JADE1: variants seen among roughly 807,000 people sequenced by gnomAD.
The protein encoded by JADE1 is jade family PHD finger 1, also known as protein Jade-1.
Under a neutral mutation model 81.8 loss-of-function variants are expected in JADE1, and 14 were observed. The ratio of observed to expected loss-of-function variants is 0.17; its 90% CI spans 0.11 to 0.27. The LOEUF is 0.27. JADE1 is among the 10% of genes least tolerant of loss of function. The probability of loss-of-function intolerance (pLI) is 1.00; values close to 1 mark genes in which losing one functional copy is unlikely to be tolerated. For missense variants in JADE1, 690 were observed against 1,047.9 expected, an observed-to-expected ratio of 0.66 and a Z score of 4.71; for synonymous variants, 353 against 391.9, an observed-to-expected ratio of 0.90 and a Z score of 1.17.
Position 128,872,038 on chromosome 4 carries a change from GC to G in JADE1, c.2307del (p.Cys770AlafsTer12). ...RQQQGEAHDGACHQHSDYPYL... is the reference protein window; with the variant it reads ...RQQQGEAHDGXCHQHSDYPYL... ...GCAGCAGGGAGAGGCCCACGATGGG[GC>G]CTGCCACCAGCACTCAGACTACCCA... On this transcript the variant is annotated frameshift_variant, in exon 11 of 11. Transcript: ENST00000226319. LOFTEE classifies it high-confidence loss of function. The G allele has an allele frequency of 6.2e-7, 1 of 1,613,926 alleles. No individual in the cohort carries two copies. Among genetic ancestry groups the G allele is most frequent in the Non-Finnish European group, 8.5e-7 (1 of 1,179,936 alleles).
At chr4:128,859,488 T>C (rs1188371010) in intron 8 of JADE1, among the ~76,000 whole-genome samples, 1 of 152,076 alleles carries the variant, frequency 6.6e-6, no homozygotes, top group African/African-American at 2.4e-5. Context: ...TGCATGTGAG[T>C]ATGCATGTGT....
At chr4:128,850,155 G>A (rs373199653) in intron 5 of JADE1, among the ~76,000 whole-genome samples, 20 of 151,692 alleles carry the variant, frequency 1.3e-4, no homozygotes, top group Non-Finnish European at 1.6e-4. Flanking sequence ...TTAGCTAGGC[G>A]TCGTGGTGGG....
intron 7 of JADE1, among the ~76,000 whole-genome samples, chr4:128,856,555 G>A (rs1287053221): frequency 6.6e-6 from 1 of 152,110 alleles, no homozygotes; most frequent in Non-Finnish European, 1.5e-5. Context: ...GGCATACTTT[G>A]GTGATTTTTA....
At chr4:128,812,416 C>T (rs1560715540) in intron 1 of JADE1, among the ~76,000 whole-genome samples, 1 of 151,956 alleles carries the variant, frequency 6.6e-6, no homozygotes, top group Non-Finnish European at 1.5e-5. Flanking sequence ...CGCTGCGGGG[C>T]GGCGGCCGAG....
intron 6 of JADE1, among the ~76,000 whole-genome samples, chr4:128,853,384 T>G (rs1036099613): frequency 5.9e-5 from 9 of 152,236 alleles, no homozygotes; most frequent in Non-Finnish European, 1.3e-4. Flanking sequence ...TGTTAGGGTA[T>G]AAGCTGAGCT....
Position 128,871,598 on chromosome 4 carries a change from A to G in JADE1, c.1865A>G (p.Glu622Gly). ...CAGCCAGACCTGTGTGGTAGAAGGG[A>G]GGGGATGGTGGTCCCAGAGAGCTTT... ...LKQPDLCGRR[E>G]GMVVPESFLG... The change falls in exon 11 of 11, where the codon GAG (glutamate) becomes GGG (glycine). Residue 622 changes from glutamate (E) to glycine (G), a missense_variant. Transcript: ENST00000226319. The surrounding 1 kb of genome is among the most constrained non-coding windows in gnomAD (Gnocchi z 4.1). The G allele has an allele frequency of 6.2e-7, 1 of 1,614,186 alleles. No homozygotes were observed. Among genetic ancestry groups the G allele is most frequent in the Non-Finnish European group, 8.5e-7 (1 of 1,180,028 alleles).
chr4:128,833,312 C>G (rs1262864523), intron 2 of JADE1, among the ~76,000 whole-genome samples: 1 of 152,178 alleles, frequency 6.6e-6, no homozygotes, highest in East Asian at 1.9e-4. Flanking sequence ...AATTTCTTCT[C>G]TGCCCCTGTG....
At chr4:128,820,465 A>G (rs1267558246) in intron 1 of JADE1, among the ~76,000 whole-genome samples, 3 of 152,186 alleles carry the variant, frequency 2.0e-5, no homozygotes, top group Non-Finnish European at 4.4e-5. Context: ...ACTTGTAGGC[A>G]GAGTCTACGT....
At chr4:128,856,137 C>A (rs562435853) in intron 7 of JADE1, among the ~76,000 whole-genome samples, 1 of 152,280 alleles carries the variant, frequency 6.6e-6, no homozygotes, top group Non-Finnish European at 1.5e-5. Context: ...TTTTTAATAG[C>A]ACCTTAGCTC....
In JADE1 at chr4:128,846,597, ATCTGAGAAGAGACAATT is replaced by A. The variant is rs752304401; in HGVS notation, c.296+70_296+86del. ...TTGCTCTTCTTCCCTGACAGCAGGC[ATCTGAGAAGAGACAATT>A]TCTGTGGGAAGAGACAGTTTCTGAG... On this transcript the variant is annotated intron_variant, in intron 4 of 10. Coordinates refer to ENST00000226319, the MANE Select transcript of JADE1 (RefSeq NM_199320.4). This position sits in a 1 kb window ranked among gnomAD's most constrained non-coding sequence, Gnocchi z 4.0. 3.3e-6 allele frequency: 5 copies of A among 1,534,260 alleles called. No homozygotes were observed. Among genetic ancestry groups the A allele is most frequent in the Middle Eastern group, 3.8e-4 (2 of 5,286 alleles).
intron 2 of JADE1, among the ~76,000 whole-genome samples, chr4:128,841,456 A>G (rs1481846218): frequency 6.6e-6 from 1 of 152,240 alleles, no homozygotes; most frequent in Non-Finnish European, 1.5e-5. Flanking sequence ...TTGACCTACC[A>G]TTGATTGTGT....
rs998217022 is a variant in JADE1 at position 128,850,935 on chromosome 4, T to C, written c.485-1122T>C. ...TTGTCTTAGCTGTTATTGGTCTTTT[T>C]TTCTTTCTTTTTTGAGATGAAGTCT... On this transcript the variant is annotated intron_variant, in intron 5 of 10. Transcript: ENST00000226319. 2.0e-5 allele frequency among the ~76,000 whole-genome samples: 3 copies of C among 152,232 alleles called. No homozygotes were observed. In the South Asian group the frequency reaches 6.2e-4, roughly 31 times the overall value.
chr4:128,855,759 A>G lies in JADE1; in HGVS notation c.826A>G (p.Lys276Glu). 1.9e-6 allele frequency: 3 copies of G among 1,614,030 alleles called. No homozygotes were observed. Among genetic ancestry groups the G allele is most frequent in the Non-Finnish European group, 2.5e-6 (3 of 1,179,924 alleles). ...TATGAAGCCCACCCGTAGCGGAACC[A>G]AGTGGGTCCACGTTAGCTGTGCTCT... ...GAMKPTRSGT[K>E]WVHVSCALWI... Residue 276 changes from lysine to glutamate, a missense_variant, in exon 7 of 11, where the codon AAG becomes GAG. Coordinates refer to ENST00000226319, the MANE Select transcript of JADE1 (RefSeq NM_199320.4).
chr4:128,816,646 G>A (rs1016592533), intron 1 of JADE1, among the ~76,000 whole-genome samples: 1 of 152,178 alleles, frequency 6.6e-6, no homozygotes, highest in African/African-American at 2.4e-5. Context: ...TAGGAAAGGG[G>A]CCATGTATTT....
In JADE1 at chr4:128,853,663, T is replaced by C. The variant is rs75454328; in HGVS notation, c.696+1395T>C. On this transcript the variant is annotated intron_variant, in intron 6 of 10. Transcript: ENST00000226319. ...TTTAAAAGGCTATCCTGAAGTACTT[T>C]CTTTAAATTCACCTGTTGATGCTGA... is the stretch of plus-strand genomic sequence containing the variant. Among the ~76,000 whole-genome samples the C allele has an allele frequency of 3.2e-3, 490 of 152,356 alleles. 11 individuals are homozygous for C. The East Asian group carries it at 0.078, about 24-fold the overall frequency.
rs1202157772 is a variant in JADE1 at position 128,855,564 on chromosome 4, A to T, written c.697-66A>T. 8 of 1,433,056 alleles carry T rather than the reference A, an allele frequency of 5.6e-6. No homozygotes were observed. The East Asian group carries it at 1.7e-4, about 30-fold the overall frequency. 88.8% of individuals were successfully genotyped at this position (1,433,056 alleles called of 1,614,324 possible). ...CTTTCTAAGTGTTTAAAATGAATAGATATAATGGGAAAAATAACATTTTCT... is the reference window on the plus strand; with the variant it reads ...CTTTCTAAGTGTTTAAAATGAATAGTTATAATGGGAAAAATAACATTTTCT... On this transcript the variant is annotated intron_variant, in intron 6 of 10. Transcript: ENST00000226319.
At chr4:128,844,642 C>T (rs1209495150) in intron 3 of JADE1, among the ~76,000 whole-genome samples, 1 of 152,070 alleles carries the variant, frequency 6.6e-6, no homozygotes, top group African/African-American at 2.4e-5. Flanking sequence ...GTACTTTTCT[C>T]TTGGGGGCCA....
At chr4:128,863,578 G>T (rs751189905) in intron 9 of JADE1, 440 of 985,290 alleles carry the variant, frequency 4.5e-4, no homozygotes, top group Non-Finnish European at 5.1e-4. Context: ...CCCAGACCAG[G>T]TTAGGATTCC....
chr4:128,868,265 C>T (rs1265831891), intron 10 of JADE1, among the ~76,000 whole-genome samples: 2 of 152,156 alleles, frequency 1.3e-5, no homozygotes, highest in Non-Finnish European at 2.9e-5. Context: ...ATATCGCAAG[C>T]TACCTCTTGG....
Sources: allele counts gnomAD v4.1 joint callset (sites outside exome capture counted in the v4.1 genomes callset), GRCh38; gene constraint gnomAD v4.1.1; non-coding constraint Gnocchi (gnomAD v3.1); transcripts MANE v1.5; gene names NCBI Gene and HGNC (gene_info 2026-07-23, HGNC 2026-07-21).